ACSL1: variants seen among roughly 807,000 people sequenced by gnomAD.
ACSL1 encodes acyl-CoA synthetase long chain family member 1, also known as long-chain-fatty-acid--CoA ligase 1.
A neutral mutation model predicts 98.4 loss-of-function variants in ACSL1; 41 were observed. The observed-to-expected ratio is 0.42, with a 90% CI of 0.32 to 0.54. The LOEUF (loss-of-function observed/expected upper bound fraction) is 0.54, where lower values mean the gene tolerates loss of function less well. Among genes scored for constraint, ACSL1 ranks in the 20% least tolerant of loss-of-function variants. ACSL1 has a pLI of 0.13. For missense variants in ACSL1, 734 were observed against 883.1 expected (o/e 0.83, Z 2.14); for synonymous variants, 316 against 322.7 (o/e 0.98, Z 0.22).
chr4:184,808,830 C>T (rs553172884), intron 1 of ACSL1, among the ~76,000 whole-genome samples: 1 of 152,348 alleles, frequency 6.6e-6, no homozygotes, highest in South Asian at 2.1e-4. Context: ...AAAAGAGATG[C>T]CAGTCTCCCA....
rs1301920448 is a variant in ACSL1 at position 184,825,105 on chromosome 4, T to C, written c.-33+811A>G. The C allele has an allele frequency of 7.8e-6, 7 of 900,288 alleles. No individual in the cohort carries two copies. In the African/African-American group the frequency reaches 1.1e-4, roughly 14 times the overall value. 55.8% of individuals were successfully genotyped at this position (900,288 alleles called of 1,614,324 possible). ...CTTTTAGAATGGTCACTCTTAATTA[T>C]GCTCCATAACCTTGAAATTGGACTG... On this transcript the variant is annotated intron_variant, in intron 1 of 20. Transcript: ENST00000281455. This position sits in a 1 kb window ranked among gnomAD's most constrained non-coding sequence, Gnocchi z 4.7.
rs1763954302 is a variant in ACSL1 at position 184,768,381 on chromosome 4, G to A, written c.1063C>T (p.Leu355Phe). 1 of 1,613,456 alleles carries A rather than the reference G, an allele frequency of 6.2e-7. No individual in the cohort carries two copies. Among genetic ancestry groups the A allele is most frequent in the Non-Finnish European group, 8.5e-7 (1 of 1,179,892 alleles). The change falls in exon 12 of 21, where the codon CTC becomes TTC. Residue 355 changes from leucine (L) to phenylalanine (F), a missense_variant. Physicochemically the swap from Leu to Phe is conservative, Grantham distance 22. Transcript: ENST00000281455. The stretch of plus-strand genomic sequence containing the variant: ...AAGACAGTGGGTTGAAGCACCTTGA[G>A]GTCATCCATGAGCAGCCTGATATCT... ...QGDIRLLMDD[L>F]KVLQPTVFPV...
intron 1 of ACSL1, among the ~76,000 whole-genome samples, chr4:184,812,714 C>T (rs1772243013): frequency 6.6e-6 from 1 of 152,146 alleles, no homozygotes; most frequent in Non-Finnish European, 1.5e-5. Flanking sequence ...ACTGATGATT[C>T]ATTTAAAACA....
At chr4:184,780,569 C>G in intron 4 of ACSL1, 136 bp from the exon 5 acceptor site, 1 of 580,790 alleles carries the variant, frequency 1.7e-6, no homozygotes. Context: ...GCAGGTATTC[C>G]TTTATTGATA....
intron 4 of ACSL1, 67 bp from the exon 5 acceptor site, chr4:184,780,500 CG>C (rs1766070021): frequency 8.3e-7 from 1 of 1,205,120 alleles, no homozygotes; most frequent in Non-Finnish European, 1.2e-6. Flanking sequence ...GCTGACCAGA[CG>C]GCAGGCTTGT....
intron 1 of ACSL1, among the ~76,000 whole-genome samples, chr4:184,818,954 G>A (rs1772842634): frequency 1.3e-5 from 2 of 152,030 alleles, no homozygotes; most frequent in Admixed American, 1.3e-4. Context: ...CTCTAGCCAG[G>A]ATGGGAGTAT....
At chr4:184,816,356 C>G (rs1012309920) in intron 1 of ACSL1, among the ~76,000 whole-genome samples, 1 of 151,924 alleles carries the variant, frequency 6.6e-6, no homozygotes, top group Non-Finnish European at 1.5e-5. Context: ...GTGACAACCA[C>G]GAGACATGAG....
chr4:184,804,901 C>T (rs754637195), intron 1 of ACSL1, among the ~76,000 whole-genome samples: 6 of 152,142 alleles, frequency 3.9e-5, no homozygotes, highest in Non-Finnish European at 8.8e-5. Flanking sequence ...ACACTGCCTA[C>T]AAGGAGTGTT....
chr4:184,776,827 G>C, intron 6 of ACSL1, 57 bp downstream of exon 6: 4 of 1,571,256 alleles, frequency 2.5e-6, no homozygotes, highest in Non-Finnish European at 3.5e-6. Flanking sequence ...CAAATGTAAA[G>C]TCACTGAACC....
intron 1 of ACSL1, among the ~76,000 whole-genome samples, chr4:184,815,698 G>C (rs368605347): frequency 5.3e-5 from 8 of 152,134 alleles, no homozygotes; most frequent in African/African-American, 1.2e-4. Context: ...AGCAGGACAC[G>C]GGTGAGAAGA....
chr4:184,773,234 C>T lies in ACSL1; in HGVS notation c.842-80G>A. ...GCCCAGAAACCTCACATAATTAGGG[C>T]TTCAGACACCTCTACTGTTAGATAT... is the stretch of plus-strand genomic sequence containing the variant. On this transcript the variant is annotated intron_variant, in intron 9 of 20. Transcript: ENST00000281455. The surrounding 1 kb of genome is among the most constrained non-coding windows in gnomAD (Gnocchi z 4.3). 1 of 1,239,020 alleles carries T rather than the reference C, an allele frequency of 8.1e-7. No homozygotes were observed. Among genetic ancestry groups the T allele is most frequent in the Non-Finnish European group, 1.2e-6 (1 of 851,258 alleles). The allele number at this position is 1,239,020 out of a possible 1,614,324, so 76.8% of individuals were successfully genotyped here. A position where few individuals can be genotyped will look rare whatever the true frequency, so the allele number is the denominator to read the frequency against.
intron 10 of ACSL1, among the ~76,000 whole-genome samples, chr4:184,770,712 T>C (rs1392278220): frequency 6.6e-6 from 1 of 151,290 alleles, no homozygotes; most frequent in Non-Finnish European, 1.5e-5. Flanking sequence ...ATAATAATAA[T>C]AAAATTAAAA....
chr4:184,761,043 C>A (rs905750922), intron 17 of ACSL1, among the ~76,000 whole-genome samples: 1 of 152,196 alleles, frequency 6.6e-6, no homozygotes, highest in African/African-American at 2.4e-5. Context: ...CTGGACCAGA[C>A]CAGCCACATC....
chr4:184,764,976 T>C, intron 14 of ACSL1, 51 bp from the exon 15 acceptor site: 1 of 1,561,282 alleles, frequency 6.4e-7, no homozygotes, highest in East Asian at 2.3e-5. Flanking sequence ...ATCACACCTT[T>C]ACTGGAAGTG....
At chr4:184,789,192 G>A (rs867511596) in intron 2 of ACSL1, among the ~76,000 whole-genome samples, 3 of 152,142 alleles carry the variant, frequency 2.0e-5, no homozygotes, top group Admixed American at 1.3e-4. Flanking sequence ...CACAGGCTTC[G>A]GGGAACCACG....
At chr4:184,790,700 G>A (rs1768195699) in intron 2 of ACSL1, among the ~76,000 whole-genome samples, 1 of 152,216 alleles carries the variant, frequency 6.6e-6, no homozygotes, top group African/African-American at 2.4e-5. Context: ...GTAAAATGGA[G>A]ACATCATGAG....
intron 17 of ACSL1, among the ~76,000 whole-genome samples, chr4:184,761,684 C>A: frequency 6.6e-6 from 1 of 152,168 alleles, no homozygotes; most frequent in Non-Finnish European, 1.5e-5. Context: ...AAATCCTTAC[C>A]CATCCTACAT....
chr4:184,761,229 G>T (rs905533114), intron 17 of ACSL1, among the ~76,000 whole-genome samples: 1 of 152,174 alleles, frequency 6.6e-6, no homozygotes, highest in Non-Finnish European at 1.5e-5. Context: ...GGATGTGTTC[G>T]TGAGTGCCAC....
At chr4:184,768,268 G>A in intron 12 of ACSL1, 48 bp downstream of exon 12, 1 of 1,569,836 alleles carries the variant, frequency 6.4e-7, no homozygotes, top group South Asian at 1.2e-5. Flanking sequence ...CCAAGCCCCT[G>A]CGTCCAAGTC....
Sources: gnomAD v4.1 joint callset for allele counts (sites outside exome capture counted in the v4.1 genomes callset) on GRCh38, gnomAD v4.1.1 for gene constraint, Gnocchi (gnomAD v3.1) non-coding constraint, MANE v1.5 for transcripts, NCBI Gene and HGNC (gene_info 2026-07-23, HGNC 2026-07-21) for gene names.